GPC5: variants seen among roughly 807,000 people sequenced by gnomAD.
GPC5 encodes glypican 5, also known as glypican-5.
In GPC5, 47 loss-of-function variants were observed where a neutral mutation model predicts 53.9. That is an observed-to-expected ratio of 0.87 (90% CI 0.69 to 1.11). GPC5 has a LOEUF of 1.11. Ranked by LOEUF, GPC5 falls within the 50% of genes most tolerant of loss-of-function variation. The probability of loss-of-function intolerance (pLI) is 0.00; values close to 1 mark genes in which losing one functional copy is unlikely to be tolerated. For synonymous variants in GPC5, 286 were observed against 263.3 expected, an observed-to-expected ratio of 1.09 and a Z score of -0.84; for missense variants, 748 against 713.1, an observed-to-expected ratio of 1.05 and a Z score of -0.56.
intron 7 of GPC5, among the ~76,000 whole-genome samples, chr13:92,359,528 T>C (rs1051745255): frequency 6.6e-6 from 1 of 151,688 alleles, no homozygotes; most frequent in Non-Finnish European, 1.5e-5. Flanking sequence ...CCAGTACCAA[T>C]GTTCTGTATT....
chr13:91,478,308 A>G (rs1162251778), intron 2 of GPC5, among the ~76,000 whole-genome samples: 1 of 152,100 alleles, frequency 6.6e-6, no homozygotes, highest in Non-Finnish European at 1.5e-5. Flanking sequence ...AATTTATTTC[A>G]TATTTTCCAA....
intron 6 of GPC5, among the ~76,000 whole-genome samples, chr13:91,961,457 T>C (rs974753760): frequency 1.3e-5 from 2 of 151,908 alleles, no homozygotes; most frequent in East Asian, 3.9e-4. Context: ...TGTGGAGTAA[T>C]TGGAACACTC....
intron 2 of GPC5, among the ~76,000 whole-genome samples, chr13:91,548,184 C>T (rs1313744707): frequency 6.6e-6 from 1 of 152,084 alleles, no homozygotes; most frequent in African/African-American, 2.4e-5. Flanking sequence ...TTTTTGTTTG[C>T]AAGTGATATG....
At chr13:92,442,063 G>A (rs982707669) in intron 7 of GPC5, among the ~76,000 whole-genome samples, 4 of 152,172 alleles carry the variant, frequency 2.6e-5, no homozygotes, top group Admixed American at 2.0e-4. Context: ...CATTTGGCTG[G>A]TAGGAGTGTA....
intron 5 of GPC5, among the ~76,000 whole-genome samples, chr13:91,846,640 G>C (rs892287015): frequency 8.6e-5 from 13 of 151,746 alleles, no homozygotes; most frequent in African/African-American, 2.4e-4. Context: ...AGACAAAAAG[G>C]AAGGAGGAAC....
chr13:91,632,643 A>C (rs1310396878), intron 2 of GPC5, among the ~76,000 whole-genome samples: 1 of 152,124 alleles, frequency 6.6e-6, no homozygotes. Context: ...CTTTAAACTT[A>C]CCTGAGACTC....
At chr13:92,823,331 A>G (rs1441043851) in intron 7 of GPC5, among the ~76,000 whole-genome samples, 1 of 152,162 alleles carries the variant, frequency 6.6e-6, no homozygotes, top group Non-Finnish European at 1.5e-5. Context: ...TAATGTATAT[A>G]AAATGACTTG....
intron 5 of GPC5, among the ~76,000 whole-genome samples, chr13:91,839,818 G>A (rs1360228915): frequency 6.6e-6 from 1 of 151,774 alleles, no homozygotes; most frequent in African/African-American, 2.4e-5. Flanking sequence ...TTTTCAAATT[G>A]TATCATTCAG....
intron 6 of GPC5, among the ~76,000 whole-genome samples, chr13:91,981,087 T>C (rs938294691): frequency 6.6e-6 from 1 of 152,204 alleles, no homozygotes; most frequent in Non-Finnish European, 1.5e-5. Flanking sequence ...TTTTTGTGAG[T>C]ATATGTATGC....
At chr13:91,953,662 AAT>A (rs2040047677) in intron 6 of GPC5, among the ~76,000 whole-genome samples, 1 of 152,206 alleles carries the variant, frequency 6.6e-6, no homozygotes, top group South Asian at 2.1e-4. Context: ...CTTAATTTCT[AAT>A]AGTTCTGGAG....
rs71910602 is a variant in GPC5, at chr13:92,444,715, TA to T, written c.1561+299751del. ...AAGAGAAGAGTGGATTCCTGAAATC[TA>T]AAAAAAAAAAAAAAAAAAAAAAAAG... On this transcript the variant is annotated intron_variant, in intron 7 of 7. Coordinates refer to ENST00000377067, the MANE Select transcript of GPC5 (RefSeq NM_004466.6). Among the ~76,000 whole-genome samples the T allele has an allele frequency of 5.0e-3, 421 of 84,184 alleles. 4 individuals carry two copies. Among genetic ancestry groups the T allele is most frequent in the Middle Eastern group, 0.01 (1 of 100 alleles). The allele number at this position is 84,184 out of a possible 152,430, so 55.2% of individuals were successfully genotyped here. A position where few individuals can be genotyped will look rare whatever the true frequency, so the allele number is the denominator to read the frequency against.
chr13:92,547,177 A>T (rs944411480), intron 7 of GPC5, among the ~76,000 whole-genome samples: 7 of 152,198 alleles, frequency 4.6e-5, no homozygotes, highest in African/African-American at 1.7e-4. Flanking sequence ...TGAAAGAGGA[A>T]TTAGATTAAA....
At chr13:92,466,841 T>C (rs1366831285) in intron 7 of GPC5, among the ~76,000 whole-genome samples, 2 of 152,092 alleles carry the variant, frequency 1.3e-5, no homozygotes, top group African/African-American at 4.8e-5. Flanking sequence ...ATAAAAACGT[T>C]GAGTGAATAT....
chr13:91,413,829 C>T (rs1320824981), intron 1 of GPC5, among the ~76,000 whole-genome samples: 2 of 152,092 alleles, frequency 1.3e-5, no homozygotes, highest in African/African-American at 4.8e-5. Context: ...TGTTTTTGCT[C>T]CTGAGCTACC....
At chr13:92,280,144 C>A (rs2042904186) in intron 7 of GPC5, among the ~76,000 whole-genome samples, 1 of 151,770 alleles carries the variant, frequency 6.6e-6, no homozygotes, top group Admixed American at 6.6e-5. Flanking sequence ...GAAAATTTTC[C>A]AATTTGTCTA....
intron 7 of GPC5, among the ~76,000 whole-genome samples, chr13:92,800,265 A>G (rs997263697): frequency 6.6e-6 from 1 of 151,876 alleles, no homozygotes; most frequent in African/African-American, 2.4e-5. Context: ...GCCTTCTGAG[A>G]TCCCAAGATG....
chr13:91,556,637 G>A (rs1214025840), intron 2 of GPC5, among the ~76,000 whole-genome samples: 3 of 151,322 alleles, frequency 2.0e-5, no homozygotes, highest in African/African-American at 7.3e-5. Flanking sequence ...ATACTATTCA[G>A]CCATAAAAAG....
chr13:92,720,297 G>A (rs1888470314), intron 7 of GPC5, among the ~76,000 whole-genome samples: 1 of 152,130 alleles, frequency 6.6e-6, no homozygotes, highest in Non-Finnish European at 1.5e-5. Flanking sequence ...CATATAGGCA[G>A]AAACCAGTTC....
chr13:91,755,355 C>T (rs1437612531), intron 4 of GPC5, among the ~76,000 whole-genome samples: 1 of 152,096 alleles, frequency 6.6e-6, no homozygotes, highest in African/African-American at 2.4e-5. Flanking sequence ...CTAAAGTTTA[C>T]TTTCCTTCCA....
Sources: gnomAD v4.1 joint callset for allele counts (sites outside exome capture counted in the v4.1 genomes callset) on GRCh38, gnomAD v4.1.1 for gene constraint, MANE v1.5 for transcripts, NCBI Gene and HGNC (gene_info 2026-07-23, HGNC 2026-07-21) for gene names.